Variants in PCLO observed in about 807,000 individuals in gnomAD.
PCLO encodes piccolo presynaptic cytomatrix protein.
PCLO carries 82 observed loss-of-function variants against 427.5 expected under a neutral mutation model. The ratio of observed to expected loss-of-function variants is 0.19; its 90% CI spans 0.16 to 0.23. The LOEUF (loss-of-function observed/expected upper bound fraction) is 0.23. Among genes scored for constraint, PCLO ranks in the 10% least tolerant of loss-of-function variants. PCLO has a pLI of 1.00. For synonymous variants in PCLO, 2,357 were observed against 2,155.4 expected (o/e 1.09, Z -2.59); for missense variants, 6,239 against 6,115.9 (o/e 1.02, Z -0.67).
intron 10 of PCLO, chr7:82,849,038 T>C (rs1054971061): frequency 1.4e-5 from 3 of 221,686 alleles, no homozygotes; most frequent in South Asian, 5.4e-5. Context: ...GGAGGAAGAG[T>C]ACATTAATAA....
intron 6 of PCLO, among the ~76,000 whole-genome samples, chr7:82,940,948 G>C (rs1022741274): frequency 2.0e-5 from 3 of 151,452 alleles, no homozygotes; most frequent in African/African-American, 7.3e-5. Context: ...ATTTTTAGTA[G>C]AGACGGGGTT....
intron 6 of PCLO, among the ~76,000 whole-genome samples, chr7:82,923,655 T>G (rs1422880081): frequency 6.6e-6 from 1 of 152,090 alleles, no homozygotes; most frequent in Non-Finnish European, 1.5e-5. Flanking sequence ...AATGTTGCAC[T>G]CCATGTAGAT....
At chr7:82,992,055 T>C (rs761799408) in intron 3 of PCLO, among the ~76,000 whole-genome samples, 1 of 152,120 alleles carries the variant, frequency 6.6e-6, no homozygotes, top group Non-Finnish European at 1.5e-5. Flanking sequence ...TGCATCTTCA[T>C]CTCAATACAA....
chr7:82,777,213 T>C (rs114292332), intron 22 of PCLO, among the ~76,000 whole-genome samples: 233 of 152,126 alleles, frequency 1.5e-3, no homozygotes, highest in African/African-American at 5.5e-3. Context: ...GAAAGCTATC[T>C]ACAATGAGAA....
chr7:82,928,026 C>G (rs1264788898), intron 6 of PCLO, among the ~76,000 whole-genome samples: 1 of 152,090 alleles, frequency 6.6e-6, no homozygotes, highest in Non-Finnish European at 1.5e-5. Context: ...TAAAAGCAGT[C>G]CTCACATGCA....
At chr7:82,820,557 C>T in intron 20 of PCLO, 1 of 1,226,126 alleles carries the variant, frequency 8.2e-7, no homozygotes, top group Non-Finnish European at 1.0e-6. Flanking sequence ...ATACACTTAA[C>T]AACTATGGAA....
rs367853005 is a variant in PCLO, at chr7:82,965,935, C to G, written c.3853G>C (p.Val1285Leu). The G allele has an allele frequency of 6.2e-7, 1 of 1,613,786 alleles. No individual in the cohort carries two copies. Among genetic ancestry groups the G allele is most frequent in the South Asian group, 1.1e-5 (1 of 91,084 alleles). Residue 1285 changes from valine to leucine, a missense_variant, in exon 4 of 25, where the codon GTG (valine) becomes CTG (leucine). Transcript: ENST00000333891. ...GTCTGTGGTTGTTTCCCTTCTTGCACTGTCTTTGGAGCCACTCTGCCTTCA... is the reference window on the plus strand; with the variant it reads ...GTCTGTGGTTGTTTCCCTTCTTGCAGTGTCTTTGGAGCCACTCTGCCTTCA... ...KLEGRVAPKT[V>L]QEGKQPQTKM...
At chr7:82,801,667 A>C in intron 21 of PCLO, 76 bp from the exon 22 acceptor site, 1 of 862,602 alleles carries the variant, frequency 1.2e-6, no homozygotes, top group Admixed American at 2.3e-5. Context: ...TTGCATAAAT[A>C]AAATGACATT....
intron 15 of PCLO, among the ~76,000 whole-genome samples, chr7:82,837,796 T>C (rs1792266786): frequency 6.6e-6 from 1 of 151,946 alleles, no homozygotes; most frequent in African/African-American, 2.4e-5. Flanking sequence ...AACACTAACA[T>C]AATGGAAAAT....
chr7:83,044,290 T>C (rs1008872782), intron 3 of PCLO, among the ~76,000 whole-genome samples: 3 of 152,150 alleles, frequency 2.0e-5, no homozygotes, highest in African/African-American at 4.8e-5. Context: ...CAATTGGAGA[T>C]AAGATTTGGG....
intron 20 of PCLO, chr7:82,821,604 A>G: frequency 1.0e-6 from 1 of 967,342 alleles, no homozygotes; most frequent in Non-Finnish European, 1.2e-6. Flanking sequence ...AATTATATCA[A>G]TCGACTAAAT....
intron 3 of PCLO, among the ~76,000 whole-genome samples, chr7:83,067,475 A>T (rs1268806306): frequency 6.6e-6 from 1 of 152,038 alleles, no homozygotes; most frequent in Non-Finnish European, 1.5e-5. Context: ...TTTTAGAAAG[A>T]ATTTTTTCTT....
At chr7:83,116,767 T>G (rs138098656) in intron 3 of PCLO, among the ~76,000 whole-genome samples, 438 of 152,312 alleles carry the variant, frequency 2.9e-3, no homozygotes, top group Non-Finnish European at 4.2e-3. Flanking sequence ...TATCCTTAAC[T>G]AACATCTCCT....
chr7:83,023,537 C>G (rs1261014248), intron 3 of PCLO, among the ~76,000 whole-genome samples: 6 of 152,088 alleles, frequency 3.9e-5, no homozygotes, highest in African/African-American at 1.2e-4. Context: ...AATTTGAACA[C>G]TGATAGTTAC....
chr7:82,937,082 A>G (rs1406347135), intron 6 of PCLO, among the ~76,000 whole-genome samples: 4 of 151,644 alleles, frequency 2.6e-5, no homozygotes, highest in African/African-American at 9.7e-5. Context: ...GGTAGTGGTG[A>G]TTGTACAACA....
intron 10 of PCLO, among the ~76,000 whole-genome samples, chr7:82,874,042 G>C (rs1424408505): frequency 1.3e-5 from 2 of 152,128 alleles, no homozygotes; most frequent in East Asian, 3.9e-4. Flanking sequence ...TATTGATGCT[G>C]TCTTAAATGC....
At chr7:82,854,577 CT>C (rs1213408575) in intron 10 of PCLO, among the ~76,000 whole-genome samples, 1 of 151,990 alleles carries the variant, frequency 6.6e-6, no homozygotes, top group African/African-American at 2.4e-5. Flanking sequence ...TACTCTTTTG[CT>C]TTAAGTCACT....
chr7:82,958,723 C>T (rs555149495), intron 4 of PCLO, among the ~76,000 whole-genome samples: 3 of 152,190 alleles, frequency 2.0e-5, no homozygotes, highest in South Asian at 2.1e-4. Context: ...TATAGCAGGA[C>T]GGTTGATGAG....
intron 21 of PCLO, among the ~76,000 whole-genome samples, chr7:82,804,988 G>A (rs1234845570): frequency 6.6e-6 from 1 of 152,082 alleles, no homozygotes; most frequent in Non-Finnish European, 1.5e-5. Context: ...TATTGGAACA[G>A]ACATAATCTA....
Sources: allele counts gnomAD v4.1 joint callset (sites outside exome capture counted in the v4.1 genomes callset), GRCh38; gene constraint gnomAD v4.1.1; transcripts MANE v1.5; gene names NCBI Gene and HGNC (gene_info 2026-07-23, HGNC 2026-07-21).